Variants in DOCK2 observed in about 807,000 individuals in gnomAD.
DOCK2 encodes the protein dedicator of cytokinesis protein 2.
DOCK2 carries 87 observed loss-of-function variants against 248.9 expected under a neutral mutation model. That is an observed-to-expected ratio of 0.35 (90% CI 0.29 to 0.42). The LOEUF (loss-of-function observed/expected upper bound fraction) is 0.42, where lower values mean the gene tolerates loss of function less well. Among genes scored for constraint, DOCK2 ranks in the 10% least tolerant of loss-of-function variants. The pLI, the probability that DOCK2 is intolerant of heterozygous loss-of-function variation, is 1.00. For synonymous variants in DOCK2, 805 were observed against 821.6 expected, an observed-to-expected ratio of 0.98 and a Z score of 0.35; for missense variants, 1,747 against 2,300.2, an observed-to-expected ratio of 0.76 and a Z score of 4.92.
At chr5:170,017,372 T>A (rs1238306468) in intron 32 of DOCK2, among the ~76,000 whole-genome samples, 1 of 152,086 alleles carries the variant, frequency 6.6e-6, no homozygotes, top group African/African-American at 2.4e-5. Flanking sequence ...AGGTGTGAGC[T>A]TCAATAATAG....
intron 27 of DOCK2, among the ~76,000 whole-genome samples, chr5:169,886,151 A>C (rs1045031201): frequency 2.0e-5 from 3 of 152,178 alleles, no homozygotes; most frequent in Admixed American, 2.0e-4. Flanking sequence ...TAAATTACAC[A>C]GTCTCTGGTA....
intron 26 of DOCK2, among the ~76,000 whole-genome samples, chr5:169,810,032 CTA>C (rs1581223070): frequency 6.6e-6 from 1 of 152,278 alleles, no homozygotes; most frequent in East Asian, 1.9e-4. Context: ...AACCAGAGTG[CTA>C]TGAGGAGAGA....
At chr5:169,983,502 A>C (rs772800129) in intron 28 of DOCK2, among the ~76,000 whole-genome samples, 1 of 152,238 alleles carries the variant, frequency 6.6e-6, no homozygotes, top group African/African-American at 2.4e-5. Context: ...GCTCTCACGT[A>C]GTAAGTGCTC....
chr5:169,945,990 C>T (rs994852034), intron 27 of DOCK2, among the ~76,000 whole-genome samples: 1 of 152,072 alleles, frequency 6.6e-6, no homozygotes, highest in Non-Finnish European at 1.5e-5. Context: ...GGTGCAACAC[C>T]CCGGTGCCAT....
At chr5:169,800,657 A>G (rs995656941) in intron 25 of DOCK2, among the ~76,000 whole-genome samples, 1 of 152,218 alleles carries the variant, frequency 6.6e-6, no homozygotes, top group Non-Finnish European at 1.5e-5. Context: ...GAAGCATTCA[A>G]TTTGTTTTGT....
intron 9 of DOCK2, among the ~76,000 whole-genome samples, chr5:169,694,452 G>T (rs929830130): frequency 8.5e-4 from 129 of 152,316 alleles, no homozygotes; most frequent in African/African-American, 3.0e-3. Flanking sequence ...CTGTACTGTA[G>T]TAGCTATGTT....
chr5:169,850,220 G>C (rs191983172), intron 27 of DOCK2, among the ~76,000 whole-genome samples: 1 of 152,278 alleles, frequency 6.6e-6, no homozygotes, highest in East Asian at 1.9e-4. Flanking sequence ...TAGTCAGTGA[G>C]GTTGGCAATA....
intron 34 of DOCK2, chr5:170,028,339 CTG>C (rs963756309): frequency 4.4e-5 from 7 of 158,722 alleles, no homozygotes; most frequent in African/African-American, 1.7e-4. Flanking sequence ...GTGCAATGTG[CTG>C]TGTAATCCCT....
intron 44 of DOCK2, among the ~76,000 whole-genome samples, chr5:170,065,703 G>T (rs933382751): frequency 4.6e-5 from 7 of 152,174 alleles, no homozygotes; most frequent in Non-Finnish European, 1.0e-4. Context: ...TTAAAAAAGG[G>T]ATCTTGTGAG....
chr5:169,701,683 T>C (rs1358228148), intron 13 of DOCK2, among the ~76,000 whole-genome samples: 2 of 152,022 alleles, frequency 1.3e-5, no homozygotes, highest in Admixed American at 1.3e-4. Context: ...CTCGGCTAAT[T>C]TTTTTGTATT....
intron 30 of DOCK2, among the ~76,000 whole-genome samples, chr5:169,996,459 A>G (rs1316729679): frequency 6.6e-6 from 1 of 152,174 alleles, no homozygotes; most frequent in Admixed American, 6.5e-5. Flanking sequence ...TTAAAAATGT[A>G]TCACCTTTTT....
chr5:169,867,707 C>T (rs1248985205), intron 27 of DOCK2, among the ~76,000 whole-genome samples: 7 of 152,232 alleles, frequency 4.6e-5, no homozygotes, highest in Admixed American at 4.6e-4. Flanking sequence ...AGATCGCACA[C>T]ATACACACAT....
At chr5:169,947,512 G>A (rs894125527) in intron 27 of DOCK2, among the ~76,000 whole-genome samples, 7 of 152,170 alleles carry the variant, frequency 4.6e-5, no homozygotes, top group East Asian at 1.9e-4. Context: ...CCAGGGCCAC[G>A]CAACTAATAT....
chr5:169,690,980 T>C (rs1319605370), intron 9 of DOCK2, among the ~76,000 whole-genome samples: 1 of 152,142 alleles, frequency 6.6e-6, no homozygotes, highest in Non-Finnish European at 1.5e-5. Context: ...TATAAAGAAA[T>C]CCCTGAAACT....
chr5:169,817,731 G>A (rs925729031), intron 26 of DOCK2, among the ~76,000 whole-genome samples: 6 of 152,152 alleles, frequency 3.9e-5, no homozygotes, highest in Non-Finnish European at 8.8e-5. Flanking sequence ...TCTTCTGTGG[G>A]TGTCCTGTTT....
At chr5:169,660,614 C>T (rs1002154291) in intron 2 of DOCK2, among the ~76,000 whole-genome samples, 3 of 152,126 alleles carry the variant, frequency 2.0e-5, no homozygotes, top group Non-Finnish European at 2.9e-5. Context: ...GAGGGCACAC[C>T]AAGAGCCATA....
At chr5:169,660,161 G>A (rs917755129) in intron 2 of DOCK2, among the ~76,000 whole-genome samples, 12 of 152,182 alleles carry the variant, frequency 7.9e-5, no homozygotes, top group Admixed American at 3.3e-4. Context: ...CTCATACTGT[G>A]TTTGGATGTA....
chr5:169,752,184 C>T (rs116332062), intron 23 of DOCK2, among the ~76,000 whole-genome samples: 4 of 152,194 alleles, frequency 2.6e-5, no homozygotes, highest in African/African-American at 4.8e-5. Flanking sequence ...AGACATATGG[C>T]GATGTTGTGC....
intron 25 of DOCK2, among the ~76,000 whole-genome samples, chr5:169,789,058 A>G (rs1177730798): frequency 6.6e-6 from 1 of 152,058 alleles, no homozygotes; most frequent in African/African-American, 2.4e-5. Context: ...TGTTCTCATC[A>G]TTTAGCTCCC....
Sources: allele counts gnomAD v4.1 joint callset (sites outside exome capture counted in the v4.1 genomes callset), GRCh38; gene constraint gnomAD v4.1.1; transcripts MANE v1.5; gene names NCBI Gene and HGNC (gene_info 2026-07-23, HGNC 2026-07-21).